Variants in ROS1 observed in about 807,000 individuals in gnomAD.
ROS1 encodes ROS proto-oncogene 1, receptor tyrosine kinase.
In ROS1, 263 loss-of-function variants were observed where a neutral mutation model predicts 273.5. That is an observed-to-expected ratio of 0.96 (90% CI 0.87 to 1.06). ROS1 has a LOEUF of 1.06. Ranked by LOEUF, ROS1 falls within the 50% of genes least tolerant of loss-of-function variation. ROS1 has a pLI of 0.00. For synonymous variants in ROS1, 1,008 were observed against 954.1 expected, an observed-to-expected ratio of 1.06 and a Z score of -1.04; for missense variants, 2,833 against 2,751.1, an observed-to-expected ratio of 1.03 and a Z score of -0.67.
intron 28 of ROS1, among the ~76,000 whole-genome samples, chr6:117,343,578 G>A (rs1260537379): frequency 6.6e-6 from 1 of 152,120 alleles, no homozygotes; most frequent in African/African-American, 2.4e-5. Context: ...ACTAAAAACA[G>A]TATCTGCATA....
At chr6:117,377,849 T>G (rs546082599) in intron 18 of ROS1, among the ~76,000 whole-genome samples, 109 of 151,642 alleles carry the variant, frequency 7.2e-4, no homozygotes, top group African/African-American at 2.5e-3. Flanking sequence ...AAAAGACAAC[T>G]CATTTAAAAA....
intron 33 of ROS1, 105 bp downstream of exon 33, chr6:117,329,224 G>A (rs2128592648): frequency 1.5e-6 from 1 of 656,188 alleles, no homozygotes; most frequent in Non-Finnish European, 2.7e-6. Flanking sequence ...AAAGATCTTT[G>A]TGTTTGTATA....
intron 17 of ROS1, among the ~76,000 whole-genome samples, chr6:117,382,522 C>A (rs1296504425): frequency 3.3e-5 from 5 of 152,070 alleles, no homozygotes; most frequent in Non-Finnish European, 7.4e-5. Flanking sequence ...ATTCTTAATG[C>A]ATTTCTGCAA....
At chr6:117,410,133 C>T (rs1280937588) in intron 4 of ROS1, among the ~76,000 whole-genome samples, 1 of 152,112 alleles carries the variant, frequency 6.6e-6, no homozygotes, top group Admixed American at 6.5e-5. Flanking sequence ...CTGATGTGCT[C>T]TTATATGTAC....
At chr6:117,382,332 C>G (rs940872734) in intron 17 of ROS1, among the ~76,000 whole-genome samples, 1 of 151,868 alleles carries the variant, frequency 6.6e-6, no homozygotes, top group Non-Finnish European at 1.5e-5. Flanking sequence ...AATTATGGCC[C>G]ATATATGTTA....
At chr6:117,354,841 C>T (rs576733400) in intron 26 of ROS1, among the ~76,000 whole-genome samples, 12 of 152,214 alleles carry the variant, frequency 7.9e-5, no homozygotes, top group African/African-American at 2.9e-4. Flanking sequence ...AGTGCAATAG[C>T]GCACTAGGAA....
At chr6:117,311,905 T>C (rs1562260498) in intron 39 of ROS1, among the ~76,000 whole-genome samples, 1 of 152,112 alleles carries the variant, frequency 6.6e-6, no homozygotes, top group Non-Finnish European at 1.5e-5. Context: ...ATTACCCTGG[T>C]TCAAGCTTTT....
At chr6:117,377,313 G>A (rs560926549) in intron 18 of ROS1, among the ~76,000 whole-genome samples, 38 of 152,088 alleles carry the variant, frequency 2.5e-4, no homozygotes, top group Admixed American at 4.6e-4. Flanking sequence ...GTTTCACCAC[G>A]TTGGTCAGGC....
intron 31 of ROS1, among the ~76,000 whole-genome samples, chr6:117,338,567 G>A (rs1284117589): frequency 6.6e-6 from 1 of 151,230 alleles, no homozygotes; most frequent in Non-Finnish European, 1.5e-5. Flanking sequence ...ACTCTTTATG[G>A]TTCTGTCTCC....
intron 43 of ROS1, among the ~76,000 whole-genome samples, chr6:117,289,139 G>A (rs967473312): frequency 1.1e-4 from 17 of 152,186 alleles, no homozygotes; most frequent in Non-Finnish European, 2.4e-4. Context: ...AGCAAGTCGT[G>A]GTCTTTGTGA....
chr6:117,358,687 C>T (rs997897974), intron 24 of ROS1, among the ~76,000 whole-genome samples: 11 of 151,998 alleles, frequency 7.2e-5, no homozygotes, highest in African/African-American at 2.2e-4. Flanking sequence ...ATCGAATTCC[C>T]GGCATCCAGT....
At chr6:117,399,847 C>T (rs1307512999) in intron 7 of ROS1, among the ~76,000 whole-genome samples, 1 of 152,214 alleles carries the variant, frequency 6.6e-6, no homozygotes, top group Non-Finnish European at 1.5e-5. Flanking sequence ...CTGGTCTCTA[C>T]CTCTGTACTT....
rs1396801504 is a variant in ROS1, at chr6:117,359,838, G to A, written c.3604C>T (p.Leu1202=). Residue 1202 remains leucine, a synonymous_variant, in exon 24 of 44, where the codon CTG becomes TTG. Coordinates refer to ENST00000368507, the MANE Select transcript of ROS1 (RefSeq NM_001378902.1). ...GAGCTAGAGCGATTGTGCAAGTGCA[G>A]AAGAAAGAGTGAGTCCCCTTCAGCA... ...YYAEGDSLFL[L]HLHNRSSSEL... is the part of the protein sequence containing the mutation. 1.2e-6 allele frequency: 2 copies of A among 1,613,914 alleles called. No homozygotes were observed. Among genetic ancestry groups the A allele is most frequent in the African/African-American group, 2.7e-5 (2 of 75,020 alleles).
At chr6:117,375,759 T>C (rs1214354840) in intron 18 of ROS1, among the ~76,000 whole-genome samples, 1 of 152,042 alleles carries the variant, frequency 6.6e-6, no homozygotes, top group Non-Finnish European at 1.5e-5. Flanking sequence ...TAGGAGTATT[T>C]TATAATGATA....
chr6:117,387,134 T>C (rs1399811383), intron 14 of ROS1, 135 bp from the exon 15 acceptor site: 1 of 506,810 alleles, frequency 2.0e-6, no homozygotes, highest in Non-Finnish European at 3.5e-6. Flanking sequence ...CTTTGAAAAG[T>C]TCTATAAAAG....
intron 26 of ROS1, among the ~76,000 whole-genome samples, chr6:117,355,905 C>T (rs1033122151): frequency 1.3e-5 from 2 of 152,092 alleles, no homozygotes; most frequent in South Asian, 4.1e-4. Flanking sequence ...GCCACTGCAC[C>T]TGGCCTTAAT....
intron 31 of ROS1, among the ~76,000 whole-genome samples, chr6:117,338,594 G>C (rs1268993246): frequency 6.6e-6 from 1 of 151,786 alleles, no homozygotes; most frequent in East Asian, 1.9e-4. Context: ...ATCTGGTGGA[G>C]AAATTACCTA....
chr6:117,410,767 A>G (rs969699271), intron 4 of ROS1, among the ~76,000 whole-genome samples: 23 of 152,226 alleles, frequency 1.5e-4, no homozygotes, highest in Non-Finnish European at 4.4e-5. Context: ...ACTTGCAAAC[A>G]TGAACAGTTC....
chr6:117,376,476 G>T (rs982942691), intron 18 of ROS1, among the ~76,000 whole-genome samples: 2 of 152,094 alleles, frequency 1.3e-5, no homozygotes, highest in African/African-American at 2.4e-5. Flanking sequence ...ATTGAGGAGA[G>T]AATGCTTCCT....
Sources: allele counts gnomAD v4.1 joint callset (sites outside exome capture counted in the v4.1 genomes callset), GRCh38; gene constraint gnomAD v4.1.1; transcripts MANE v1.5; gene names NCBI Gene and HGNC (gene_info 2026-07-23, HGNC 2026-07-21).